CMC1: variants seen among roughly 807,000 people sequenced by gnomAD.
CMC1 encodes the protein C-X9-C motif containing 1.
CMC1 carries 14 observed loss-of-function variants against 14.1 expected under a neutral mutation model. That is an observed-to-expected ratio of 0.99 (90% CI 0.66 to 1.55). CMC1 has a LOEUF of 1.55. Among genes scored for constraint, CMC1 ranks in the 40% most tolerant of loss-of-function variants. CMC1 has a pLI of 0.00. For missense variants in CMC1, 127 were observed against 123.8 expected, an observed-to-expected ratio of 1.03 and a Z score of -0.12; for synonymous variants, 50 against 38.4, an observed-to-expected ratio of 1.30 and a Z score of -1.12.
In CMC1 at chr3:28,309,821, C is replaced by CCACACACACACACA. The variant is rs57499697; in HGVS notation, c.110-6485_110-6472dup. ...CCTTTTCTCCTGCAGCTGATATTTA[C>CCACACACACACACA]CACACACACACACACACACACACAC... On this transcript the variant is annotated intron_variant, in intron 2 of 3. Transcript: ENST00000466830. Among the ~76,000 whole-genome samples the CCACACACACACACA allele has an allele frequency of 2.4e-3, 312 of 131,864 alleles. 7 individuals are homozygous for CCACACACACACACA. The highest frequency in any genetic ancestry group is 5.8e-3 in the South Asian group (23 of 3,932). 86.5% of individuals were successfully genotyped at this position (131,864 alleles called of 152,430 possible).
intron 1 of CMC1, among the ~76,000 whole-genome samples, chr3:28,252,394 C>T (rs1006004783): frequency 2.6e-5 from 4 of 152,118 alleles, no homozygotes; most frequent in East Asian, 1.9e-4. Context: ...ATTTTGTAAG[C>T]GTTTGAGCTT....
chr3:28,310,757 C>T (rs1702595540), intron 2 of CMC1, among the ~76,000 whole-genome samples: 1 of 152,196 alleles, frequency 6.6e-6, no homozygotes, highest in Admixed American at 6.5e-5. Flanking sequence ...ATAGCAATCC[C>T]CAACCTTTTT....
intron 2 of CMC1, among the ~76,000 whole-genome samples, chr3:28,297,750 G>T (rs1701804139): frequency 6.6e-6 from 1 of 151,964 alleles, no homozygotes; most frequent in Non-Finnish European, 1.5e-5. Context: ...TAAATCCTCA[G>T]ATCTGATGAT....
At chr3:28,253,545 C>T (rs1053745977) in intron 1 of CMC1, among the ~76,000 whole-genome samples, 6 of 152,012 alleles carry the variant, frequency 3.9e-5, no homozygotes, top group Admixed American at 2.0e-4. Flanking sequence ...CACGCCATTG[C>T]GCCCTATCCT....
intron 2 of CMC1, among the ~76,000 whole-genome samples, chr3:28,291,541 A>G (rs1315091913): frequency 6.6e-6 from 1 of 152,064 alleles, no homozygotes; most frequent in Admixed American, 6.6e-5. Context: ...TGTTTTATCA[A>G]CTATTCCTTG....
At chr3:28,274,074 A>G (rs1700432151) in intron 2 of CMC1, among the ~76,000 whole-genome samples, 1 of 151,984 alleles carries the variant, frequency 6.6e-6, no homozygotes, top group South Asian at 2.1e-4. Context: ...AATTGGGGGC[A>G]TTTAGCCCAT....
rs1439799359 is a variant in CMC1 at position 28,320,990 on chromosome 3, T to G, written c.*1361T>G. 1 of 145,028 alleles carries G rather than the reference T, an allele frequency of 6.9e-6. No homozygotes were observed. The highest frequency in any genetic ancestry group is 1.5e-5 in the Non-Finnish European group (1 of 66,982). 9.0% of individuals were successfully genotyped at this position (145,028 alleles called of 1,614,324 possible). On this transcript the variant is annotated 3_prime_UTR_variant, in exon 4 of 4. Coordinates refer to ENST00000466830, the MANE Select transcript of CMC1 (RefSeq NM_182523.2). ...AATCCCATGCAATAGATCTGAGAGA[T>G]TTTTTTTTAAGAAAGAATTTAAATA...
intron 2 of CMC1, among the ~76,000 whole-genome samples, chr3:28,310,580 TTAAA>T (rs1279851091): frequency 6.6e-6 from 1 of 152,240 alleles, no homozygotes; most frequent in African/African-American, 2.4e-5. Flanking sequence ...ACTTTGGTAA[TTAAA>T]GAAAAACTAA....
At chr3:28,319,475 T>C in intron 3 of CMC1, 34 bp from the exon 4 acceptor site, 2 of 1,554,652 alleles carry the variant, frequency 1.3e-6, no homozygotes, top group Non-Finnish European at 1.8e-6. Flanking sequence ...TGCAGGATTA[T>C]TTACTTGAAA....
chr3:28,297,408 C>T (rs1406725384), intron 2 of CMC1, among the ~76,000 whole-genome samples: 1 of 151,954 alleles, frequency 6.6e-6, no homozygotes, highest in Non-Finnish European at 1.5e-5. Context: ...AGAATGAGGC[C>T]TATGGAATTA....
In CMC1 at chr3:28,284,730, C is replaced by CTGTG. The variant is rs147368414; in HGVS notation, c.109+21370_109+21373dup. Among the ~76,000 whole-genome samples the CTGTG allele has an allele frequency of 3.4e-3, 506 of 150,362 alleles. 4 individuals are homozygous for CTGTG. The highest frequency in any genetic ancestry group is 0.011 in the African/African-American group (464 of 41,056). ...TTTGGCTGTTTTTGTTGTTAGATTTCTGTGTGTGTGTGTGTGTGTGTGTTG... is the reference window on the plus strand; with the variant it reads ...TTTGGCTGTTTTTGTTGTTAGATTTCTGTGTGTGTGTGTGTGTGTGTGTGTGTTG... On this transcript the variant is annotated intron_variant, in intron 2 of 3. Coordinates refer to ENST00000466830, the MANE Select transcript of CMC1 (RefSeq NM_182523.2).
chr3:28,302,610 C>A (rs1165939360), intron 2 of CMC1, among the ~76,000 whole-genome samples: 5 of 152,016 alleles, frequency 3.3e-5, no homozygotes, highest in Non-Finnish European at 7.4e-5. Context: ...TTTGAAGAAG[C>A]CCCTTTCTAA....
chr3:28,314,469 A>G (rs1362464002), intron 2 of CMC1, among the ~76,000 whole-genome samples: 1 of 152,176 alleles, frequency 6.6e-6, no homozygotes, highest in African/African-American at 2.4e-5. Flanking sequence ...AATAAAGAAG[A>G]TACTTGATTA....
intron 2 of CMC1, among the ~76,000 whole-genome samples, chr3:28,288,267 TGA>T (rs1435755721): frequency 1.3e-5 from 2 of 152,088 alleles, no homozygotes; most frequent in African/African-American, 4.8e-5. Flanking sequence ...ACATGTGAAG[TGA>T]GTTTACCTTT....
intron 2 of CMC1, among the ~76,000 whole-genome samples, chr3:28,296,325 C>T (rs1464737530): frequency 6.6e-6 from 1 of 151,984 alleles, no homozygotes; most frequent in African/African-American, 2.4e-5. Flanking sequence ...AAATATGATT[C>T]TTTAGTTTTA....
chr3:28,245,948 T>A (rs950616771), intron 1 of CMC1, among the ~76,000 whole-genome samples: 20 of 152,028 alleles, frequency 1.3e-4, no homozygotes, highest in Non-Finnish European at 1.9e-4. Context: ...ATTAGAAAAA[T>A]TTTTTATTTT....
intron 2 of CMC1, among the ~76,000 whole-genome samples, chr3:28,283,450 T>C (rs1317702130): frequency 6.7e-6 from 1 of 150,104 alleles, no homozygotes; most frequent in Non-Finnish European, 1.5e-5. Context: ...ATGCAGGAAG[T>C]GGAGGTTGTG....
At chr3:28,257,298 A>G (rs930142685) in intron 1 of CMC1, among the ~76,000 whole-genome samples, 2 of 152,144 alleles carry the variant, frequency 1.3e-5, no homozygotes, top group South Asian at 2.1e-4. Flanking sequence ...TTTTATCACC[A>G]TAGATTAACT....
chr3:28,249,554 A>G (rs1382188904), intron 1 of CMC1, among the ~76,000 whole-genome samples: 2 of 152,204 alleles, frequency 1.3e-5, no homozygotes, highest in East Asian at 3.8e-4. Flanking sequence ...GCTGCATATT[A>G]TAATTATTTG....
Sources: gnomAD v4.1 joint callset for allele counts (sites outside exome capture counted in the v4.1 genomes callset) on GRCh38, gnomAD v4.1.1 for gene constraint, MANE v1.5 for transcripts, NCBI Gene and HGNC (gene_info 2026-07-23, HGNC 2026-07-21) for gene names.